The following SCFD2 variants were observed in gnomAD, a reference collection of about 807,000 sequenced individuals.
SCFD2 encodes sec1 family domain-containing protein 2.
A neutral mutation model predicts 58.9 loss-of-function variants in SCFD2; 54 were observed. The ratio of observed to expected loss-of-function variants is 0.92; its 90% CI spans 0.74 to 1.15. The LOEUF is 1.15. Among genes scored for constraint, SCFD2 ranks in the 50% most tolerant of loss-of-function variants. The probability of loss-of-function intolerance (pLI) is 0.00; values close to 1 mark genes in which losing one functional copy is unlikely to be tolerated. For synonymous variants in SCFD2, 321 were observed against 335.9 expected (o/e 0.96, Z 0.49); for missense variants, 805 against 836.6 (o/e 0.96, Z 0.47).
intron 5 of SCFD2, among the ~76,000 whole-genome samples, chr4:52,976,906 T>C (rs569928050): frequency 3.3e-5 from 5 of 152,134 alleles, no homozygotes; most frequent in Non-Finnish European, 7.4e-5. Context: ...AGGCAAGTTA[T>C]TTTACCTCTC....
intron 5 of SCFD2, among the ~76,000 whole-genome samples, chr4:53,022,631 G>A (rs369201065): frequency 1.6e-4 from 25 of 152,260 alleles, no homozygotes; most frequent in African/African-American, 5.1e-4. Flanking sequence ...CGTGGCCTTG[G>A]CAAGTTTTAA....
intron 5 of SCFD2, among the ~76,000 whole-genome samples, chr4:52,982,314 C>T (rs1003754628): frequency 1.2e-4 from 18 of 152,152 alleles, no homozygotes; most frequent in East Asian, 9.6e-4. Context: ...AGTTTGTACA[C>T]GGGCTAGTTT....
intron 5 of SCFD2, among the ~76,000 whole-genome samples, chr4:53,113,283 C>T (rs1369683494): frequency 6.6e-6 from 1 of 152,060 alleles, no homozygotes; most frequent in Non-Finnish European, 1.5e-5. Flanking sequence ...TTAGGAAGGA[C>T]CATAACCCTT....
intron 5 of SCFD2, among the ~76,000 whole-genome samples, chr4:53,074,299 TA>T (rs1366677267): frequency 6.6e-6 from 1 of 152,234 alleles, no homozygotes; most frequent in Non-Finnish European, 1.5e-5. Context: ...GCTCTGCTTC[TA>T]ATTCTAGTTT....
At chr4:53,242,771 T>C (rs1013613372) in intron 4 of SCFD2, among the ~76,000 whole-genome samples, 10 of 152,054 alleles carry the variant, frequency 6.6e-5, no homozygotes, top group African/African-American at 2.4e-4. Flanking sequence ...AAATAGCCAG[T>C]ATAAAGAAGA....
At chr4:53,108,016 AAC>A (rs1725055449) in intron 5 of SCFD2, among the ~76,000 whole-genome samples, 1 of 152,210 alleles carries the variant, frequency 6.6e-6, no homozygotes, top group Non-Finnish European at 1.5e-5. Context: ...AAATCAGAAC[AAC>A]AGTCTTTCAG....
chr4:52,894,045 G>C (rs946942622), intron 7 of SCFD2, among the ~76,000 whole-genome samples: 1 of 152,106 alleles, frequency 6.6e-6, no homozygotes, highest in Admixed American at 6.5e-5. Context: ...AAGCCTACCT[G>C]AGCTTTGAAA....
At chr4:53,351,291 G>T (rs1734212528) in intron 2 of SCFD2, among the ~76,000 whole-genome samples, 1 of 152,042 alleles carries the variant, frequency 6.6e-6, no homozygotes, top group South Asian at 2.1e-4. Context: ...CTATACTTTG[G>T]TTCACATCAA....
chr4:53,122,843 G>A (rs1036475995), intron 5 of SCFD2, among the ~76,000 whole-genome samples: 2 of 151,022 alleles, frequency 1.3e-5, no homozygotes, highest in Admixed American at 1.3e-4. Context: ...TATTCTAAAT[G>A]TTTTCATGTT....
intron 5 of SCFD2, among the ~76,000 whole-genome samples, chr4:52,934,974 C>G (rs1432479755): frequency 6.6e-6 from 1 of 152,122 alleles, no homozygotes; most frequent in Admixed American, 6.5e-5. Flanking sequence ...ATACAGTAGC[C>G]GCTAGCTACT....
intron 3 of SCFD2, among the ~76,000 whole-genome samples, chr4:53,312,365 T>C (rs1482379425): frequency 2.0e-5 from 3 of 152,192 alleles, no homozygotes; most frequent in African/African-American, 7.2e-5. Context: ...CTACCACTTA[T>C]CAGATATATG....
intron 5 of SCFD2, among the ~76,000 whole-genome samples, chr4:53,069,873 C>A (rs535706836): frequency 3.2e-4 from 49 of 152,124 alleles, no homozygotes; most frequent in African/African-American, 1.2e-3. Flanking sequence ...GGCTTTGTAA[C>A]CTTCCTTCCA....
At chr4:53,097,583 T>C (rs1292474653) in intron 5 of SCFD2, among the ~76,000 whole-genome samples, 1 of 152,238 alleles carries the variant, frequency 6.6e-6, no homozygotes, top group Admixed American at 6.5e-5. Flanking sequence ...GAGACTTTGC[T>C]GAAGTTGCTT....
At chr4:53,093,373 A>T (rs536689432) in intron 5 of SCFD2, among the ~76,000 whole-genome samples, 15 of 152,310 alleles carry the variant, frequency 9.8e-5, no homozygotes, top group Middle Eastern at 6.8e-3. Flanking sequence ...AACAGTATTG[A>T]TGTGAGAGTA....
chr4:52,889,879 T>C (rs930971709), intron 7 of SCFD2, among the ~76,000 whole-genome samples: 4 of 152,212 alleles, frequency 2.6e-5, no homozygotes, highest in African/African-American at 9.7e-5. Context: ...TCCATATCAG[T>C]AAGAAAAGCC....
intron 5 of SCFD2, among the ~76,000 whole-genome samples, chr4:53,007,693 A>G (rs1031068924): frequency 1.3e-5 from 2 of 152,216 alleles, no homozygotes; most frequent in African/African-American, 2.4e-5. Flanking sequence ...GAAGTACTCT[A>G]TCAAAGTTTG....
At chr4:53,268,480 G>T (rs1731058865) in intron 4 of SCFD2, among the ~76,000 whole-genome samples, 1 of 152,158 alleles carries the variant, frequency 6.6e-6, no homozygotes, top group Non-Finnish European at 1.5e-5. Context: ...GAGGTTGAGT[G>T]ACAACAACAT....
intron 2 of SCFD2, among the ~76,000 whole-genome samples, chr4:53,329,728 G>A (rs1733362162): frequency 6.6e-6 from 1 of 152,014 alleles, no homozygotes; most frequent in Non-Finnish European, 1.5e-5. Flanking sequence ...ACCAGCAACG[G>A]AACAAAGCTG....
intron 5 of SCFD2, among the ~76,000 whole-genome samples, chr4:53,128,206 T>C (rs1211397865): frequency 1.3e-5 from 2 of 152,294 alleles, no homozygotes; most frequent in Admixed American, 6.5e-5. Context: ...AAGAATTTGA[T>C]ATTTTGATTT....
Sources: allele counts gnomAD v4.1 joint callset (sites outside exome capture counted in the v4.1 genomes callset), GRCh38; gene constraint gnomAD v4.1.1; transcripts MANE v1.5; gene names NCBI Gene and HGNC (gene_info 2026-07-23, HGNC 2026-07-21).